ARID1A: variants seen among roughly 807,000 people sequenced by gnomAD.
ARID1A encodes the protein AT-rich interaction domain 1A, also known as AT-rich interactive domain-containing protein 1A.
Under a neutral mutation model 212.6 loss-of-function variants are expected in ARID1A, and 20 were observed. That is an observed-to-expected ratio of 0.09 (90% CI 0.07 to 0.14). The LOEUF is 0.14. Ranked by LOEUF, ARID1A falls within the 10% of genes least tolerant of loss-of-function variation. The pLI, the probability that ARID1A is intolerant of heterozygous loss-of-function variation, is 1.00. For missense variants in ARID1A, 2,587 were observed against 3,059.0 expected, an observed-to-expected ratio of 0.85 and a Z score of 3.64; for synonymous variants, 1,376 against 1,222.1, an observed-to-expected ratio of 1.13 and a Z score of -2.63.
rs1266894856 is a variant in ARID1A, at chr1:26,774,630, C to T, written c.4403C>T (p.Pro1468Leu). Residue 1468 changes from proline to leucine, a missense_variant, in exon 18 of 20, where the codon CCT becomes CTT. Around this residue, in one of 11 missense-constraint regions of ARID1A, gnomAD observed 890 missense variants for 1,098.2 expected, o/e 0.81. Coordinates refer to ENST00000324856, the MANE Select transcript of ARID1A (RefSeq NM_006015.6). This position sits in a 1 kb window ranked among gnomAD's most constrained non-coding sequence, Gnocchi z 5.6. ...QFGRDRVSAP[P>L]GTNAQQNMPP... ...GGCCGAGACCGTGTCTCTGCACCCC[C>T]TGGCACCAATGCCCAGCAAAACATG... The T allele has an allele frequency of 7.4e-6, 12 of 1,614,120 alleles. No homozygotes were observed. Among genetic ancestry groups the T allele is most frequent in the Non-Finnish European group, 8.5e-6 (10 of 1,180,042 alleles).
chr1:26,763,279 A>G lies in ARID1A; in HGVS notation c.2726A>G (p.Gln909Arg), dbSNP rs1306354750. 1.2e-6 allele frequency: 2 copies of G among 1,601,914 alleles called. No individual in the cohort carries two copies. ...ATGCATGTTGCTGCCAACTCTATCC[A>G]AAACAGGTAAGGCCTGGGAAGCAGA... ...VAMHVAANSI[Q>R]NRPPGYPNMN... Residue 909 changes from glutamine to arginine, a missense_variant, in exon 8 of 20, where the codon CAA becomes CGA. This residue lies in a region of ARID1A where 674 missense variants were observed against 813.4 expected (regional missense o/e 0.83). Coordinates refer to ENST00000324856, the MANE Select transcript of ARID1A (RefSeq NM_006015.6).
intron 18 of ARID1A, 119 bp downstream of exon 18, chr1:26,775,339 CCA>C: frequency 4.1e-6 from 6 of 1,451,758 alleles, no homozygotes; most frequent in Non-Finnish European, 5.4e-6. Flanking sequence ...TAAAATAGAA[CCA>C]AAGAACTTTG....
intron 1 of ARID1A, among the ~76,000 whole-genome samples, chr1:26,726,245 T>C (rs1299553567): frequency 1.3e-5 from 2 of 149,866 alleles, no homozygotes; most frequent in Non-Finnish European, 3.0e-5. Flanking sequence ...CGATCTCGGC[T>C]CGCTTCAGTC....
rs374096493 is a variant in ARID1A, at chr1:26,731,348, C to T, written c.1547C>T (p.Pro516Leu). 3 of 1,613,796 alleles carry T rather than the reference C, an allele frequency of 1.9e-6. No individual in the cohort carries two copies. The highest frequency in any genetic ancestry group is 8.5e-7 in the Non-Finnish European group (1 of 1,179,972). ...SQPPQLQSSQ[P>L]PYSQQPSQPP... ...CCACCACAGCTCCAGTCCTCTCAGC[C>T]TCCATACTCCCAGCAGCCATCCCAG... The change falls in exon 3 of 20, where the codon CCT (proline) becomes CTT (leucine). Residue 516 changes from proline (P) to leucine (L), a missense_variant. By Grantham distance (98) the Pro-to-Leu change is moderately conservative. Around this residue, in one of 11 missense-constraint regions of ARID1A, gnomAD observed 674 missense variants for 813.4 expected, o/e 0.83. Transcript: ENST00000324856.
intron 4 of ARID1A, among the ~76,000 whole-genome samples, chr1:26,755,371 GATA>G (rs2080919729): frequency 6.6e-6 from 1 of 152,194 alleles, no homozygotes. Context: ...AAATCAGAGA[GATA>G]AGAAGATTAA....
intron 1 of ARID1A, among the ~76,000 whole-genome samples, chr1:26,725,924 C>T (rs899154428): frequency 2.7e-5 from 4 of 149,920 alleles, no homozygotes; most frequent in Non-Finnish European, 5.9e-5. Flanking sequence ...GCACAATCTC[C>T]GCTCGCTGCA....
At chr1:26,763,865 T>G (rs1224552103) in intron 8 of ARID1A, among the ~76,000 whole-genome samples, 1 of 152,240 alleles carries the variant, frequency 6.6e-6, no homozygotes, top group Non-Finnish European at 1.5e-5. Context: ...CACAGTTCAC[T>G]GCAGCCTCGA....
At chr1:26,719,122 A>G (rs2080535065) in intron 1 of ARID1A, among the ~76,000 whole-genome samples, 2 of 152,188 alleles carry the variant, frequency 1.3e-5, no homozygotes, top group African/African-American at 2.4e-5. Flanking sequence ...TTTCTCTTCT[A>G]CATTCCCCTT....
intron 12 of ARID1A, 174 bp from the exon 13 acceptor site, chr1:26,772,326 C>A: frequency 1.1e-6 from 1 of 900,324 alleles, no homozygotes; most frequent in Non-Finnish European, 1.7e-6. Context: ...ACAAAACCCT[C>A]AGATTCCCGT....
At chr1:26,702,995 TAGAA>T (rs1165372769) in intron 1 of ARID1A, among the ~76,000 whole-genome samples, 23 of 152,276 alleles carry the variant, frequency 1.5e-4, no homozygotes, top group South Asian at 8.3e-4. Flanking sequence ...TCTGGAATAT[TAGAA>T]AGGAGAAAAA....
intron 4 of ARID1A, among the ~76,000 whole-genome samples, chr1:26,735,135 T>G (rs530061637): frequency 9.3e-4 from 138 of 149,132 alleles, no homozygotes; most frequent in Admixed American, 1.7e-3. Context: ...TTTTTTTTTT[T>G]GGGGGGAGAG....
At chr1:26,723,900 C>A (rs1182609403) in intron 1 of ARID1A, among the ~76,000 whole-genome samples, 1 of 151,980 alleles carries the variant, frequency 6.6e-6, no homozygotes, top group African/African-American at 2.4e-5. Flanking sequence ...TCCCTTGGCC[C>A]CAGTTCAAAC....
At chr1:26,732,167 G>C (rs1412221137) in intron 3 of ARID1A, among the ~76,000 whole-genome samples, 1 of 152,152 alleles carries the variant, frequency 6.6e-6, no homozygotes, top group African/African-American at 2.4e-5. Flanking sequence ...TATGTCTGGT[G>C]AACAAGATGT....
intron 4 of ARID1A, among the ~76,000 whole-genome samples, chr1:26,751,904 T>G (rs191633945): frequency 6.6e-6 from 1 of 152,286 alleles, no homozygotes; most frequent in African/African-American, 2.4e-5. Context: ...TCAGGAAGAA[T>G]GAATCATTAT....
intron 9 of ARID1A, 37 bp downstream of exon 9, chr1:26,766,403 G>T (rs2124080877): frequency 6.2e-7 from 1 of 1,614,022 alleles, no homozygotes; most frequent in Non-Finnish European, 8.5e-7. Flanking sequence ...ATTTCTTCAA[G>T]AGTCACATCA....
Position 26,765,487 on chromosome 1 carries a change from CA to C in ARID1A, c.2733-720del, listed in dbSNP as rs779270296. The C allele has an allele frequency of 2.7e-3, 357 of 133,106 alleles. 2 individuals carry two copies. Among genetic ancestry groups the C allele is most frequent in the Middle Eastern group, 0.025 (6 of 244 alleles). 8.2% of individuals were successfully genotyped at this position (133,106 alleles called of 1,614,324 possible). ...TGGGCAACAGAGCGAGACTCCATCT[CA>C]AAAAAAAAAAAAATTGAACTATTGT... On this transcript the variant is annotated intron_variant, in intron 8 of 19. Transcript: ENST00000324856.
At chr1:26,775,449 C>G in intron 18 of ARID1A, 128 bp from the exon 19 acceptor site, 4 of 1,435,734 alleles carry the variant, frequency 2.8e-6, no homozygotes, top group Non-Finnish European at 3.7e-6. Flanking sequence ...TGGTGTGTTT[C>G]ATCTCCCAGA....
intron 4 of ARID1A, among the ~76,000 whole-genome samples, chr1:26,745,857 G>C (rs1403518452): frequency 6.6e-6 from 1 of 152,160 alleles, no homozygotes; most frequent in Non-Finnish European, 1.5e-5. Flanking sequence ...TTCAAGACCA[G>C]CCTGACCAAC....
intron 4 of ARID1A, among the ~76,000 whole-genome samples, chr1:26,746,662 G>C (rs1352589468): frequency 1.6e-4 from 25 of 152,130 alleles, no homozygotes; most frequent in Admixed American, 1.6e-3. Flanking sequence ...GGGAGGCCGA[G>C]GTAGGTGGAT....
Sources: allele counts gnomAD v4.1 joint callset (sites outside exome capture counted in the v4.1 genomes callset), GRCh38; gene constraint gnomAD v4.1.1; regional missense constraint gnomAD v4.1.1; non-coding constraint Gnocchi (gnomAD v3.1); transcripts MANE v1.5; gene names NCBI Gene and HGNC (gene_info 2026-07-23, HGNC 2026-07-21).